NLRC5: variants seen among roughly 807,000 people sequenced by gnomAD.
NLRC5 encodes protein NLRC5.
NLRC5 carries 114 observed loss-of-function variants against 206.9 expected under a neutral mutation model. The ratio of observed to expected loss-of-function variants is 0.55; its 90% CI spans 0.47 to 0.64. NLRC5 has a LOEUF of 0.64. Among genes scored for constraint, NLRC5 ranks in the 30% least tolerant of loss-of-function variants. The probability of loss-of-function intolerance (pLI) is 0.00; values close to 1 mark genes in which losing one functional copy is unlikely to be tolerated. For missense variants in NLRC5, 2,008 were observed against 2,305.5 expected, an observed-to-expected ratio of 0.87 and a Z score of 2.64; for synonymous variants, 952 against 962.8, an observed-to-expected ratio of 0.99 and a Z score of 0.21.
chr16:57,021,168 C>T (rs767013416), intron 3 of NLRC5, 161 bp downstream of exon 3: 20 of 646,088 alleles, frequency 3.1e-5, no homozygotes, highest in Non-Finnish European at 4.4e-5. Context: ...TTTCCTAATG[C>T]GCCCAAATCT....
Position 57,025,402 on chromosome 16 carries a change from C to A in NLRC5, c.459C>A (p.Thr153=). Residue 153 remains threonine, a synonymous_variant, in exon 6 of 49, where the codon ACC becomes ACA. Coordinates refer to ENST00000688547, the MANE Select transcript of NLRC5 (RefSeq NM_001384950.1). Reference sequence around the variant, plus strand: ...AGAAGTACCTGCAGCTCCTGCGGACCTCTGCCCAGCAGCGCTACAGGAGCC... The same window carrying A: ...AGAAGTACCTGCAGCTCCTGCGGACATCTGCCCAGCAGCGCTACAGGAGCC... ...LAKKYLQLLR[T]SAQQRYRSQI... is the part of the protein sequence containing the mutation. 1 of 1,554,334 alleles carries A rather than the reference C, an allele frequency of 6.4e-7. No homozygotes were observed.
intron 1 of NLRC5, among the ~76,000 whole-genome samples, chr16:56,998,705 T>A (rs1321624882): frequency 6.6e-6 from 1 of 152,230 alleles, no homozygotes; most frequent in Non-Finnish European, 1.5e-5. Flanking sequence ...TGTTGATGTG[T>A]ATTTTGAGAC....
At position 57,068,714 on chromosome 16, in the gene NLRC5, C is replaced by A. The variant is rs1264593291; in HGVS notation, c.4499+886C>A. ...ATTATCTCAACTACAGTTTATACTC[C>A]AATCTCACCAGTTCTCCCAATAATG... On this transcript the variant is annotated intron_variant, in intron 36 of 48. Coordinates refer to ENST00000688547, the MANE Select transcript of NLRC5 (RefSeq NM_001384950.1). 2.0e-5 allele frequency among the ~76,000 whole-genome samples: 3 copies of A among 152,198 alleles called. No individual in the cohort carries two copies. The East Asian group carries it at 5.8e-4, about 29-fold the overall frequency.
intron 43 of NLRC5, 83 bp downstream of exon 43, chr16:57,078,103 A>G (rs1597463452): frequency 2.6e-6 from 3 of 1,155,920 alleles, no homozygotes; most frequent in African/African-American, 1.6e-5. Flanking sequence ...GGCCCCCATC[A>G]GTTGAGCTGC....
intron 1 of NLRC5, among the ~76,000 whole-genome samples, chr16:57,006,927 T>C (rs1299409945): frequency 2.0e-5 from 3 of 149,654 alleles, no homozygotes; most frequent in Non-Finnish European, 4.4e-5. Context: ...TTTCACATTA[T>C]TTAGGGAAGT....
In NLRC5 at chr16:57,069,988, G is replaced by A. The variant is rs113400883; in HGVS notation, c.4583+69G>A. On this transcript the variant is annotated intron_variant, in intron 37 of 48. Coordinates refer to ENST00000688547, the MANE Select transcript of NLRC5 (RefSeq NM_001384950.1). ...AGGGTGAGGGGTGGAGAAGAGAGCAGGGCGTTTGGGAGGGCAGGCAATGAG... is the reference window on the plus strand; with the variant it reads ...AGGGTGAGGGGTGGAGAAGAGAGCAAGGCGTTTGGGAGGGCAGGCAATGAG... 1.1e-4 allele frequency: 142 copies of A among 1,342,426 alleles called. 3 individuals carry two copies. The African/African-American group carries it at 1.5e-3, about 14-fold the overall frequency. The allele number at this position is 1,342,426 out of a possible 1,614,324, so 83.2% of individuals were successfully genotyped here. A position where few individuals can be genotyped will look rare whatever the true frequency, so the allele number is the denominator to read the frequency against.
Position 57,041,670 on chromosome 16 carries a change from G to C in NLRC5, c.3029+96G>C, listed in dbSNP as rs1003978410. ...TTGGTTTTTAAGATTTAGATCAACT[G>C]TTCTTTCCCTGCTGAAGTCAGAAAC... On this transcript the variant is annotated intron_variant, in intron 18 of 48. Transcript: ENST00000688547. The C allele has an allele frequency of 1.0e-5, 10 of 970,266 alleles. No individual in the cohort carries two copies. In the African/African-American group the frequency reaches 1.3e-4, roughly 13 times the overall value. The allele number at this position is 970,266 out of a possible 1,614,324, so 60.1% of individuals were successfully genotyped here.
At chr16:57,079,519 C>G (rs2068866013) in intron 45 of NLRC5, 27 bp from the exon 46 acceptor site, 7 of 1,599,910 alleles carry the variant, frequency 4.4e-6, no homozygotes, top group Non-Finnish European at 5.1e-6. Flanking sequence ...AACCCCCATC[C>G]CATCCCATGC....
chr16:57,065,341 A>G (rs1223854498), intron 33 of NLRC5, 43 bp downstream of exon 33: 1 of 1,406,906 alleles, frequency 7.1e-7, no homozygotes. Flanking sequence ...TTCATCTTTC[A>G]TAAGCATTGG....
At chr16:57,074,313 G>A (rs2068099563) in intron 38 of NLRC5, 1 of 274,710 alleles carries the variant, frequency 3.6e-6, no homozygotes. Flanking sequence ...CCCTGAGTTT[G>A]GCCCACATTT....
chr16:57,070,672 G>A, intron 38 of NLRC5, 54 bp downstream of exon 38: 1 of 1,421,544 alleles, frequency 7.0e-7, no homozygotes, highest in African/African-American at 2.1e-5. Context: ...GTTAATGGAT[G>A]GTGGAAGTGG....
chr16:57,042,164 C>T (rs1045857282), intron 19 of NLRC5, 99 bp downstream of exon 19: 8 of 735,232 alleles, frequency 1.1e-5, no homozygotes, highest in Admixed American at 3.9e-5. Flanking sequence ...AAGATTAAAT[C>T]GGAAAATGCA....
chr16:57,041,444 T>C (rs761699189), intron 17 of NLRC5, 41 bp from the exon 18 acceptor site: 1 of 1,571,592 alleles, frequency 6.4e-7, no homozygotes, highest in South Asian at 1.1e-5. Flanking sequence ...CCCGCCTCTG[T>C]TCAGTGGGGC....
chr16:57,006,602 A>T (rs530185267), intron 1 of NLRC5, among the ~76,000 whole-genome samples: 8 of 151,974 alleles, frequency 5.3e-5, no homozygotes, highest in African/African-American at 1.9e-4. Context: ...TAGATGTGCC[A>T]TAATTTAATC....
chr16:57,041,505 A>G lies in NLRC5; in HGVS notation c.2960A>G (p.Gln987Arg). The change falls in exon 18 of 49, where the codon CAA becomes CGA. Residue 987 changes from glutamine to arginine, a missense_variant. Physicochemically the swap from Gln to Arg is conservative, Grantham distance 43 (BLOSUM62 1). Coordinates refer to ENST00000688547, the MANE Select transcript of NLRC5 (RefSeq NM_001384950.1). ...RRMRLTHCGL[Q>R]EKHLEQLCKA... The stretch of plus-strand genomic sequence containing the variant: ...GGCAGGCTGACACATTGTGGCCTCC[A>G]AGAAAAGCACCTAGAGCAGCTCTGC... 1 of 1,614,066 alleles carries G rather than the reference A, an allele frequency of 6.2e-7. No homozygotes were observed. The highest frequency in any genetic ancestry group is 8.5e-7 in the Non-Finnish European group (1 of 1,179,994).
At chr16:57,059,218 A>T in intron 29 of NLRC5, 157 bp downstream of exon 29, 2 of 1,509,146 alleles carry the variant, frequency 1.3e-6, no homozygotes, top group East Asian at 4.8e-5. Flanking sequence ...TTTCCTGGGC[A>T]TGGGATCATA....
chr16:57,076,238 T>C (rs1475675336), intron 39 of NLRC5, among the ~76,000 whole-genome samples: 6 of 152,114 alleles, frequency 3.9e-5, no homozygotes, highest in Non-Finnish European at 8.8e-5. Flanking sequence ...ATTTGCAAAA[T>C]AAAAGAAAGT....
chr16:57,009,490 G>A (rs1286075090), intron 1 of NLRC5, among the ~76,000 whole-genome samples: 1 of 151,880 alleles, frequency 6.6e-6, no homozygotes, highest in Non-Finnish European at 1.5e-5. Context: ...CTACTCGGGA[G>A]GCTGAGGAAA....
At chr16:56,997,368 A>G (rs1413761751) in intron 1 of NLRC5, among the ~76,000 whole-genome samples, 1 of 152,104 alleles carries the variant, frequency 6.6e-6, no homozygotes, top group African/African-American at 2.4e-5. Context: ...TGCGGACTGG[A>G]CATGTCCCCT....
Sources: allele counts gnomAD v4.1 joint callset (sites outside exome capture counted in the v4.1 genomes callset), GRCh38; gene constraint gnomAD v4.1.1; transcripts MANE v1.5; gene names NCBI Gene and HGNC (gene_info 2026-07-23, HGNC 2026-07-21).